The following AGBL1 variants were observed in gnomAD, a reference collection of about 807,000 sequenced individuals.
AGBL1 encodes cytosolic carboxypeptidase 4.
Under a neutral mutation model 118.9 loss-of-function variants are expected in AGBL1, and 130 were observed. The observed-to-expected ratio is 1.09, with a 90% CI of 0.95 to 1.26. AGBL1 has a LOEUF of 1.26. Among genes scored for constraint, AGBL1 ranks in the 50% most tolerant of loss-of-function variants. AGBL1 has a pLI of 0.00. For missense variants in AGBL1, 1,584 were observed against 1,298.1 expected, an observed-to-expected ratio of 1.22 and a Z score of -3.38; for synonymous variants, 555 against 478.9, an observed-to-expected ratio of 1.16 and a Z score of -2.08.
chr15:86,656,701 C>T (rs372250893), intron 21 of AGBL1, among the ~76,000 whole-genome samples: 1 of 152,106 alleles, frequency 6.6e-6, no homozygotes, highest in Admixed American at 6.5e-5. Context: ...CTTTTCCTGG[C>T]CAGAACCCTT....
intron 18 of AGBL1, among the ~76,000 whole-genome samples, chr15:86,401,391 C>G (rs1479238983): frequency 6.6e-6 from 1 of 152,100 alleles, no homozygotes; most frequent in African/African-American, 2.4e-5. Context: ...ATTTTTCTCC[C>G]ACTCTGTGGG....
chr15:86,657,580 C>A (rs138806080), intron 21 of AGBL1, among the ~76,000 whole-genome samples: 1 of 152,044 alleles, frequency 6.6e-6, no homozygotes, highest in African/African-American at 2.4e-5. Context: ...TATAAAAATG[C>A]CGGAGAAAGA....
chr15:86,526,631 A>G (rs1222062224), intron 19 of AGBL1, among the ~76,000 whole-genome samples: 1 of 148,624 alleles, frequency 6.7e-6, no homozygotes, highest in East Asian at 2.0e-4. Context: ...CAGTATATAT[A>G]TATATTTATA....
At chr15:86,412,390 C>T (rs1304726143) in intron 18 of AGBL1, among the ~76,000 whole-genome samples, 1 of 152,170 alleles carries the variant, frequency 6.6e-6, no homozygotes, top group Non-Finnish European at 1.5e-5. Flanking sequence ...GACTATTATC[C>T]TATTTCTGAT....
chr15:86,881,036 C>T (rs1203160343), intron 22 of AGBL1, among the ~76,000 whole-genome samples: 3 of 152,184 alleles, frequency 2.0e-5, no homozygotes, highest in Non-Finnish European at 4.4e-5. Flanking sequence ...AGCGGTGGAA[C>T]TGCACCCCAC....
intron 18 of AGBL1, among the ~76,000 whole-genome samples, chr15:86,463,643 C>G (rs985395606): frequency 6.6e-6 from 1 of 152,174 alleles, no homozygotes; most frequent in Non-Finnish European, 1.5e-5. Flanking sequence ...GGTCCAGTTT[C>G]AGTTTTCTGC....
chr15:86,688,684 T>C (rs2086106875), intron 22 of AGBL1, among the ~76,000 whole-genome samples: 1 of 152,166 alleles, frequency 6.6e-6, no homozygotes, highest in Non-Finnish European at 1.5e-5. Context: ...CAAACAAACC[T>C]GATTTTATTA....
chr15:86,457,559 C>T lies in AGBL1; in HGVS notation c.2555+60013C>T, dbSNP rs189411506. On this transcript the variant is annotated intron_variant, in intron 18 of 22. Transcript: ENST00000614907. Reference sequence around the variant, plus strand: ...AGTCAGGAAAGTATGATTAGAGCATCTATGTCTCGGGAAAAGTGTCCCCAC... The same window carrying T: ...AGTCAGGAAAGTATGATTAGAGCATTTATGTCTCGGGAAAAGTGTCCCCAC... Among the ~76,000 whole-genome samples the T allele has an allele frequency of 1.1e-4, 17 of 152,194 alleles. No homozygotes were observed. In the East Asian group the frequency reaches 3.3e-3, roughly 29 times the overall value.
chr15:86,267,948 A>G (rs2079100038), intron 13 of AGBL1, among the ~76,000 whole-genome samples: 2 of 152,194 alleles, frequency 1.3e-5, no homozygotes, highest in Admixed American at 1.3e-4. Flanking sequence ...AAGTTTCCTA[A>G]CTCACTTCAT....
At chr15:86,790,902 A>G (rs1479470459) in intron 22 of AGBL1, among the ~76,000 whole-genome samples, 1 of 152,184 alleles carries the variant, frequency 6.6e-6, no homozygotes, top group Non-Finnish European at 1.5e-5. Flanking sequence ...AGTCCCAAAC[A>G]CTAAAACAAG....
intron 18 of AGBL1, among the ~76,000 whole-genome samples, chr15:86,417,751 C>T (rs1317160260): frequency 6.6e-6 from 1 of 152,120 alleles, no homozygotes; most frequent in Non-Finnish European, 1.5e-5. Context: ...TGCTGGTCTA[C>T]ATGAGAGACT....
intron 17 of AGBL1, among the ~76,000 whole-genome samples, chr15:86,375,242 C>T (rs953672105): frequency 3.3e-5 from 5 of 152,158 alleles, no homozygotes; most frequent in Admixed American, 1.3e-4. Context: ...CATTTCCACT[C>T]GGCTGGCAAG....
chr15:86,527,902 A>G (rs898884923), intron 19 of AGBL1, among the ~76,000 whole-genome samples: 7 of 152,138 alleles, frequency 4.6e-5, no homozygotes, highest in African/African-American at 1.4e-4. Flanking sequence ...CCACTCATCC[A>G]TATATCTGTC....
At chr15:86,343,617 A>G (rs906157164) in intron 17 of AGBL1, among the ~76,000 whole-genome samples, 1 of 152,206 alleles carries the variant, frequency 6.6e-6, no homozygotes, top group Non-Finnish European at 1.5e-5. Context: ...CTCAGAAAAC[A>G]TGGATTAAAG....
Position 86,689,342 on chromosome 15 carries a change from G to T in AGBL1, c.3158+14906G>T, listed in dbSNP as rs528362680. Reference sequence around the variant, plus strand: ...CATTTCTAGCCACTCCTACTGTAAGGCCTCTAATTTAGTATTATCTGTCTC... The same window carrying T: ...CATTTCTAGCCACTCCTACTGTAAGTCCTCTAATTTAGTATTATCTGTCTC... On this transcript the variant is annotated intron_variant, in intron 22 of 22. Transcript: ENST00000614907. Among the ~76,000 whole-genome samples, 6 of 152,094 alleles carry T rather than the reference G, an allele frequency of 3.9e-5. 1 individual carries two copies. The South Asian group carries it at 6.2e-4, about 16-fold the overall frequency.
chr15:86,403,119 G>A (rs1281562605), intron 18 of AGBL1, among the ~76,000 whole-genome samples: 2 of 152,116 alleles, frequency 1.3e-5, no homozygotes, highest in South Asian at 4.1e-4. Context: ...GGTGATTCCT[G>A]AACTGCATTA....
chr15:86,790,962 T>C (rs895720786), intron 22 of AGBL1, among the ~76,000 whole-genome samples: 1 of 152,062 alleles, frequency 6.6e-6, no homozygotes. Flanking sequence ...AAATAATCCA[T>C]GTAGCAGATG....
At chr15:86,885,774 G>A (rs1483817244) in intron 22 of AGBL1, among the ~76,000 whole-genome samples, 3 of 152,278 alleles carry the variant, frequency 2.0e-5, no homozygotes, top group South Asian at 2.1e-4. Context: ...CTTACTCCAT[G>A]CTCTGAGCCC....
At chr15:86,457,947 A>G (rs1347417868) in intron 18 of AGBL1, among the ~76,000 whole-genome samples, 7 of 152,284 alleles carry the variant, frequency 4.6e-5, no homozygotes, top group Non-Finnish European at 1.0e-4. Context: ...AGTGCTTTCG[A>G]TCATAGGGGT....
Sources: allele counts gnomAD v4.1 joint callset (sites outside exome capture counted in the v4.1 genomes callset), GRCh38; gene constraint gnomAD v4.1.1; transcripts MANE v1.5; gene names NCBI Gene and HGNC (gene_info 2026-07-23, HGNC 2026-07-21).